Variants in IRAG2 observed in about 807,000 individuals in gnomAD.
IRAG2 encodes lymphoid restricted membrane protein.
A neutral mutation model predicts 69.9 loss-of-function variants in IRAG2; 45 were observed. The observed-to-expected ratio is 0.64, with a 90% CI of 0.51 to 0.83. IRAG2 has a LOEUF of 0.83. Ranked by LOEUF, IRAG2 falls within the 40% of genes least tolerant of loss-of-function variation. IRAG2 has a pLI of 0.00. For missense variants in IRAG2, 520 were observed against 587.0 expected (o/e 0.89, Z 1.18); for synonymous variants, 193 against 202.4 (o/e 0.95, Z 0.40).
chr12:25,102,003 A>T, intron 16 of IRAG2, 195 bp from the exon 17 acceptor site: 1 of 688,110 alleles, frequency 1.5e-6, no homozygotes, highest in Non-Finnish European at 2.7e-6. Context: ...GACACAGAGG[A>T]CTGTATTCCA....
chr12:25,080,521 T>A (rs1947131082), intron 9 of IRAG2, among the ~76,000 whole-genome samples: 1 of 151,958 alleles, frequency 6.6e-6, no homozygotes, highest in Non-Finnish European at 1.5e-5. Flanking sequence ...CCATCTAATT[T>A]TTTTGTATTT....
chr12:25,015,329 A>T, intron 4 of IRAG2: 1 of 1,231,664 alleles, frequency 8.1e-7, no homozygotes, highest in Non-Finnish European at 1.0e-6. Flanking sequence ...TTTTTTCATA[A>T]AACTCTTGTA....
chr12:25,073,154 C>T (rs1273216899), intron 6 of IRAG2, among the ~76,000 whole-genome samples: 1 of 152,186 alleles, frequency 6.6e-6, no homozygotes, highest in Non-Finnish European at 1.5e-5. Flanking sequence ...AAACTAAGCT[C>T]ACTTCCTTCT....
rs376500532 is a variant in IRAG2, at chr12:25,035,909, T to TA, written c.1878+123dup. ...TGTGTGCTGCTGAGACCCAAATTAATACACTCTGAAAAGCGAAGGTTTTTC... is the reference window on the plus strand; with the variant it reads ...TGTGTGCTGCTGAGACCCAAATTAATAACACTCTGAAAAGCGAAGGTTTTTC... On this transcript the variant is annotated intron_variant, in intron 14 of 38. Coordinates refer to the IRAG2 transcript ENST00000636465. 576 of 396,826 alleles carry TA rather than the reference T, an allele frequency of 1.5e-3. 8 individuals carry two copies. The East Asian group carries it at 0.02, about 14-fold the overall frequency. The allele number at this position is 396,826 out of a possible 1,614,324, so 24.6% of individuals were successfully genotyped here. A position where few individuals can be genotyped will look rare whatever the true frequency, so the allele number is the denominator to read the frequency against.
Position 25,089,802 on chromosome 12 carries a change from G to A in IRAG2, c.465+12G>A, listed in dbSNP as rs1418335692. 4.3e-6 allele frequency: 7 copies of A among 1,612,550 alleles called. No individual in the cohort carries two copies. In the South Asian group the frequency reaches 6.6e-5, roughly 15 times the overall value. On this transcript the variant is annotated intron_variant, in intron 13 of 21. Coordinates refer to ENST00000556887, the MANE Select transcript of IRAG2 (RefSeq NM_001366544.2). ...AGAAGGAGGTGGAGGTGAGTTTAAA[G>A]CAAATTTTTTTTCCTTTTAAAAAAG...
rs149060881 is a variant in IRAG2 at position 25,061,688 on chromosome 12, G to A, written c.-385+35G>A. 1,931 of 398,500 alleles carry A rather than the reference G, an allele frequency of 4.8e-3. 10 individuals are homozygous for A. Among genetic ancestry groups the A allele is most frequent in the Middle Eastern group, 0.011 (18 of 1,588 alleles). 24.7% of individuals were successfully genotyped at this position (398,500 alleles called of 1,614,324 possible). ...CTCTGATATGTGTTCAGTTACTGTG[G>A]AGGAAGTTGTTCAATTCATGTAAGG... On this transcript the variant is annotated intron_variant, in intron 2 of 21. Transcript: ENST00000556887.
chr12:25,055,044 A>G (rs1945145504), intron 1 of IRAG2, among the ~76,000 whole-genome samples: 1 of 152,216 alleles, frequency 6.6e-6, no homozygotes, highest in Admixed American at 6.5e-5. Flanking sequence ...AGCTTTTCTG[A>G]AACTCTCTGG....
upstream of IRAG2, among the ~76,000 whole-genome samples, chr12:25,048,572 C>T (rs1169257494): frequency 1.3e-5 from 2 of 152,192 alleles, no homozygotes; most frequent in Non-Finnish European, 2.9e-5. Context: ...GCTGGGATTA[C>T]AGGTGTGAGC....
chr12:25,056,894 C>G (rs545441709), intron 1 of IRAG2, among the ~76,000 whole-genome samples: 1 of 152,166 alleles, frequency 6.6e-6, no homozygotes, highest in Non-Finnish European at 1.5e-5. Flanking sequence ...CTGGGCCTCC[C>G]TCCCCAGAGT....
rs1345423640 is a variant in IRAG2, at chr12:25,087,039, A to C, written c.316-1061A>C. ...TCCATGTGATAGCCCTATATCACCC[A>C]CACCTTACCTTTTCATCTATCCAGT... is the stretch of plus-strand genomic sequence containing the variant. On this transcript the variant is annotated intron_variant, in intron 10 of 21. Transcript: ENST00000556887. Among the ~76,000 whole-genome samples the C allele has an allele frequency of 1.3e-5, 2 of 151,512 alleles. 1 individual carries two copies. The highest frequency in any genetic ancestry group is 2.9e-5 in the Non-Finnish European group (2 of 67,928).
At chr12:25,001,539 T>G (rs1476618933), upstream of IRAG2, among the ~76,000 whole-genome samples, 2 of 152,144 alleles carry the variant, frequency 1.3e-5, no homozygotes, top group Non-Finnish European at 2.9e-5. Context: ...CTAGGAACAT[T>G]AATCTAGGTC....
At chr12:25,071,589 A>G (rs1056170706) in intron 6 of IRAG2, among the ~76,000 whole-genome samples, 3 of 152,110 alleles carry the variant, frequency 2.0e-5, no homozygotes, top group African/African-American at 7.2e-5. Context: ...TCTGCTCCAC[A>G]CTTCTCTGCT....
At chr12:25,018,707 G>A (rs1944552554) in intron 6 of IRAG2, among the ~76,000 whole-genome samples, 1 of 152,084 alleles carries the variant, frequency 6.6e-6, no homozygotes, top group Admixed American at 6.5e-5. Flanking sequence ...AGGATTTTTG[G>A]TTGCAAGCAC....
At chr12:25,045,915 C>T (rs1048330887) in intron 16 of IRAG2, among the ~76,000 whole-genome samples, 1 of 150,128 alleles carries the variant, frequency 6.7e-6, no homozygotes, top group Non-Finnish European at 1.5e-5. Flanking sequence ...ATGAGGCCAG[C>T]ATTATCCTGA....
intron 10 of IRAG2, among the ~76,000 whole-genome samples, chr12:25,087,122 A>T (rs1451993950): frequency 6.9e-6 from 1 of 145,084 alleles, no homozygotes; most frequent in Non-Finnish European, 1.5e-5. Context: ...CATGCTACTC[A>T]AGTCATGGTG....
intron 6 of IRAG2, among the ~76,000 whole-genome samples, chr12:25,078,032 G>A (rs1010410177): frequency 1.3e-5 from 2 of 152,194 alleles, no homozygotes; most frequent in Non-Finnish European, 2.9e-5. Context: ...TTTGTTTACA[G>A]TGGAGAAGAC....
intron 3 of IRAG2, among the ~76,000 whole-genome samples, chr12:25,012,984 A>C (rs939628186): frequency 4.6e-5 from 7 of 152,236 alleles, no homozygotes; most frequent in Non-Finnish European, 1.0e-4. Flanking sequence ...AAGTAATGTT[A>C]GTGTAATCAA....
At chr12:25,041,675 T>G (rs962432652) in intron 16 of IRAG2, among the ~76,000 whole-genome samples, 2 of 150,204 alleles carry the variant, frequency 1.3e-5, no homozygotes, top group Non-Finnish European at 3.0e-5. Context: ...TTTTTTTGTT[T>G]TTTTTTTTTT....
At position 25,104,393 on chromosome 12, in the gene IRAG2, G is replaced by A. The variant is rs147775174; in HGVS notation, c.1079G>A (p.Arg360His). 6.2e-5 allele frequency: 100 copies of A among 1,612,954 alleles called. No individual in the cohort carries two copies. Among genetic ancestry groups the A allele is most frequent in the Middle Eastern group, 3.3e-4 (2 of 6,082 alleles). The change falls in exon 20 of 22, where the codon CGT becomes CAT. Residue 360 changes from arginine to histidine, a missense_variant. Transcript: ENST00000556887. ...TTGGGGTCAAAGCAGAGTGAACACC[G>A]TCCCTCATTACCTCGATTTATTAGC... Reference protein sequence around the residue: ...RILGSKQSEHRPSLPRFISTY... With the variant: ...RILGSKQSEHHPSLPRFISTY...
Sources: gnomAD v4.1 joint callset for allele counts (sites outside exome capture counted in the v4.1 genomes callset) on GRCh38, gnomAD v4.1.1 for gene constraint, MANE v1.5 for transcripts, NCBI Gene and HGNC (gene_info 2026-07-23, HGNC 2026-07-21) for gene names.